The following TARS3 variants were observed in gnomAD, a reference collection of about 807,000 sequenced individuals.
The protein encoded by TARS3 is threonine--tRNA ligase 2, cytoplasmic.
Under a neutral mutation model 103.5 loss-of-function variants are expected in TARS3, and 94 were observed. The ratio of observed to expected loss-of-function variants is 0.91; its 90% confidence interval spans 0.77 to 1.08. TARS3 has a LOEUF of 1.08. Among genes scored for constraint, TARS3 ranks in the 50% least tolerant of loss-of-function variants. The pLI is 0.00. For missense variants in TARS3, 952 were observed against 995.2 expected (o/e 0.96, Z 0.58); for synonymous variants, 416 against 355.4 (o/e 1.17, Z -1.92).
Position 101,721,263 on chromosome 15 carries a change from T to G in TARS3, c.429A>C (p.Lys143Asn). ...AAATGGCAAGTAAGAGCTGATGGTCTTTCTTCAGTATTTCAAAAAGCTTCA... is the reference window on the plus strand; with the variant it reads ...AAATGGCAAGTAAGAGCTGATGGTCGTTCTTCAGTATTTCAAAAAGCTTCA... Reference protein sequence around the residue: ...ERLKLFEILKKDHQLLLAIYG... With the variant: ...ERLKLFEILKNDHQLLLAIYG... The change falls in exon 3 of 19, where the codon AAA becomes AAC. Residue 143 changes from lysine (K) to asparagine (N), a missense_variant. Physicochemically the swap from Lys to Asn is moderately conservative, Grantham distance 94. Coordinates refer to ENST00000335968, the MANE Select transcript of TARS3 (RefSeq NM_152334.3). 1 of 1,613,860 alleles carries G rather than the reference T, an allele frequency of 6.2e-7. No homozygotes were observed. The highest frequency in any genetic ancestry group is 8.5e-7 in the Non-Finnish European group (1 of 1,179,750).
chr15:101,655,498 G>C (rs1897166395), intron 18 of TARS3, among the ~76,000 whole-genome samples: 1 of 144,476 alleles, frequency 6.9e-6, no homozygotes, highest in African/African-American at 2.6e-5. Flanking sequence ...AGCTCTTACA[G>C]GCTCACACTG....
At chr15:101,704,436 C>T (rs1290395958) in intron 7 of TARS3, among the ~76,000 whole-genome samples, 4 of 152,018 alleles carry the variant, frequency 2.6e-5, no homozygotes, top group South Asian at 2.1e-4. Context: ...GGGTGGATCA[C>T]GAGGTCAGGC....
chr15:101,719,997 CTT>C (rs144182542), intron 3 of TARS3, among the ~76,000 whole-genome samples: 2,308 of 152,304 alleles, frequency 0.015, 74 homozygotes, highest in African/African-American at 0.053. Flanking sequence ...GGGGACTACA[CTT>C]TGAGAAATAC....
chr15:101,667,212 C>T (rs1197534087), intron 15 of TARS3, among the ~76,000 whole-genome samples: 1 of 151,950 alleles, frequency 6.6e-6, no homozygotes, highest in African/African-American at 2.4e-5. Flanking sequence ...GTCATCTAGG[C>T]TTTGTTGTTG....
intron 15 of TARS3, among the ~76,000 whole-genome samples, chr15:101,663,369 A>G (rs949880309): frequency 2.6e-5 from 4 of 152,242 alleles, no homozygotes; most frequent in Admixed American, 6.5e-5. Context: ...AACATTCTGC[A>G]CAGGTTTGGA....
intron 2 of TARS3, among the ~76,000 whole-genome samples, chr15:101,721,890 A>G (rs1900482321): frequency 6.6e-6 from 1 of 152,218 alleles, no homozygotes; most frequent in Non-Finnish European, 1.5e-5. Context: ...CACTCAGTAC[A>G]GTATTCAATA....
At chr15:101,705,593 T>A in intron 7 of TARS3, 90 bp downstream of exon 7, 1 of 1,032,352 alleles carries the variant, frequency 9.7e-7, no homozygotes, top group Non-Finnish European at 1.5e-6. Flanking sequence ...ACTTGAAAAA[T>A]CGATCTCCAA....
At chr15:101,654,913 T>C (rs979880649) in intron 18 of TARS3, among the ~76,000 whole-genome samples, 183 bp from the exon 19 acceptor site, 7 of 152,222 alleles carry the variant, frequency 4.6e-5, no homozygotes, top group Non-Finnish European at 1.0e-4. Flanking sequence ...TCTGATCCCA[T>C]CTCTCTATTG....
At chr15:101,674,152 G>T (rs1394839668) in intron 13 of TARS3, among the ~76,000 whole-genome samples, 1 of 152,158 alleles carries the variant, frequency 6.6e-6, no homozygotes, top group Non-Finnish European at 1.5e-5. Context: ...TCCATGCTGG[G>T]TGCACTGCCC....
chr15:101,721,024 C>G, intron 3 of TARS3, 102 bp downstream of exon 3: 1 of 940,758 alleles, frequency 1.1e-6, no homozygotes, highest in Non-Finnish European at 1.6e-6. Context: ...CTTTTAGTAT[C>G]GTGAGAATGG....
At chr15:101,699,660 T>C (rs1899158712) in intron 10 of TARS3, among the ~76,000 whole-genome samples, 1 of 152,112 alleles carries the variant, frequency 6.6e-6, no homozygotes, top group African/African-American at 2.4e-5. Flanking sequence ...TGCCCTCTGA[T>C]CTCCTACCAT....
At chr15:101,721,478 G>A (rs1353041206) in intron 2 of TARS3, among the ~76,000 whole-genome samples, 156 bp from the exon 3 acceptor site, 1 of 152,088 alleles carries the variant, frequency 6.6e-6, no homozygotes, top group East Asian at 1.9e-4. Flanking sequence ...TGTTGTTGTT[G>A]TTTTTTGGTT....
chr15:101,687,988 T>C (rs923823261), intron 10 of TARS3, among the ~76,000 whole-genome samples: 2 of 152,144 alleles, frequency 1.3e-5, no homozygotes, highest in Non-Finnish European at 2.9e-5. Flanking sequence ...TACCCTTATG[T>C]TGTTTATAAG....
In TARS3 at chr15:101,724,433, G is replaced by A; in HGVS notation, c.-46C>T. ...GACGCCGAGCGGGGTGCCCGCGACTGCGGCGAGGGCGACGCGGACACTCAG... is the reference window on the plus strand; with the variant it reads ...GACGCCGAGCGGGGTGCCCGCGACTACGGCGAGGGCGACGCGGACACTCAG... On this transcript the variant is annotated 5_prime_UTR_variant, in exon 1 of 19. Coordinates refer to ENST00000335968, the MANE Select transcript of TARS3 (RefSeq NM_152334.3). The A allele has an allele frequency of 2.9e-6, 4 of 1,356,974 alleles. No homozygotes were observed. Among genetic ancestry groups the A allele is most frequent in the African/African-American group, 1.5e-5 (1 of 65,176 alleles). The allele number at this position is 1,356,974 out of a possible 1,614,324, so 84.1% of individuals were successfully genotyped here. A position where few individuals can be genotyped will look rare whatever the true frequency, so the allele number is the denominator to read the frequency against.
intron 9 of TARS3, 82 bp downstream of exon 9, chr15:101,702,157 A>C: frequency 6.5e-7 from 1 of 1,530,948 alleles, no homozygotes; most frequent in South Asian, 1.2e-5. Flanking sequence ...TCTTATTTTT[A>C]AAGCAACTTA....
At chr15:101,720,423 C>T (rs1410513335) in intron 3 of TARS3, among the ~76,000 whole-genome samples, 1 of 152,074 alleles carries the variant, frequency 6.6e-6, no homozygotes, top group Non-Finnish European at 1.5e-5. Context: ...AGCTCTAAAA[C>T]ATTTATCTTC....
Position 101,708,878 on chromosome 15 carries a change from T to A in TARS3, c.845A>T (p.Glu282Val), listed in dbSNP as rs1363652002. ...AVSSTELSAL[E>V]NICKAIIKEK... Reference sequence around the variant, plus strand: ...TTTTATGATGGCTTTACATATATTCTCCAGGGCTGACAATTCTGTGCTGGA... The same window carrying A: ...TTTTATGATGGCTTTACATATATTCACCAGGGCTGACAATTCTGTGCTGGA... The change falls in exon 6 of 19, where the codon GAG becomes GTG. Residue 282 changes from glutamate to valine, a missense_variant. By Grantham distance (121) the Glu-to-Val change is moderately radical (BLOSUM62 -2). Transcript: ENST00000335968. The A allele has an allele frequency of 1.2e-6, 2 of 1,609,768 alleles. No individual in the cohort carries two copies. Among genetic ancestry groups the A allele is most frequent in the Non-Finnish European group, 1.7e-6 (2 of 1,178,556 alleles).
intron 9 of TARS3, among the ~76,000 whole-genome samples, chr15:101,701,466 T>A (rs965204769): frequency 2.0e-5 from 3 of 152,202 alleles, no homozygotes; most frequent in African/African-American, 7.2e-5. Flanking sequence ...GACAACACGG[T>A]AGAAAGACCA....
intron 10 of TARS3, among the ~76,000 whole-genome samples, chr15:101,696,210 CAAAAAAAAAAAA>C (rs57512244): frequency 1.1e-4 from 9 of 81,756 alleles, no homozygotes; most frequent in Admixed American, 3.9e-4. Flanking sequence ...GACTTTGTCT[CAAAAAAAAAAAA>C]AAAAAAAAAA....
Sources: gnomAD v4.1 joint callset for allele counts (sites outside exome capture counted in the v4.1 genomes callset) on GRCh38, gnomAD v4.1.1 for gene constraint, MANE v1.5 for transcripts, NCBI Gene and HGNC (gene_info 2026-07-23, HGNC 2026-07-21) for gene names.